TLN2: variants seen among roughly 807,000 people sequenced by gnomAD.
The protein encoded by TLN2 is talin 2.
In TLN2, 118 loss-of-function variants were observed where a neutral mutation model predicts 294.7. The observed-to-expected ratio is 0.40, with a 90% CI of 0.34 to 0.47. The LOEUF (loss-of-function observed/expected upper bound fraction) is 0.47, where lower values mean the gene tolerates loss of function less well. TLN2 is among the 20% of genes least tolerant of loss of function. The pLI is 0.84. For missense variants in TLN2, 3,083 were observed against 3,282.2 expected, an observed-to-expected ratio of 0.94 and a Z score of 1.48; for synonymous variants, 1,431 against 1,304.5, an observed-to-expected ratio of 1.10 and a Z score of -2.09.
At chr15:62,680,934 A>G (rs1395818179) in intron 11 of TLN2, among the ~76,000 whole-genome samples, 2 of 152,136 alleles carry the variant, frequency 1.3e-5, no homozygotes, top group Non-Finnish European at 2.9e-5. Context: ...GCTGAGTAGT[A>G]TTCCATGGTG....
intron 42 of TLN2, among the ~76,000 whole-genome samples, chr15:62,775,860 G>A (rs1013425663): frequency 2.0e-5 from 3 of 152,246 alleles, no homozygotes; most frequent in Non-Finnish European, 2.9e-5. Flanking sequence ...TTTGCAGAGC[G>A]AGGGCATGAT....
intron 1 of TLN2, among the ~76,000 whole-genome samples, chr15:62,398,745 G>A (rs2032767396): frequency 6.6e-6 from 1 of 152,154 alleles, no homozygotes; most frequent in African/African-American, 2.4e-5. Flanking sequence ...TGAGAGAGAT[G>A]ATTTAGGGTA....
chr15:62,695,605 G>A (rs75904352), intron 14 of TLN2, among the ~76,000 whole-genome samples: 14,507 of 152,188 alleles, frequency 0.095, 1,380 homozygotes, highest in African/African-American at 0.25. Context: ...TTGCTTAGCT[G>A]TAGTAGTTTC....
intron 11 of TLN2, among the ~76,000 whole-genome samples, chr15:62,681,613 G>A (rs1377065143): frequency 1.3e-5 from 2 of 152,166 alleles, no homozygotes; most frequent in Non-Finnish European, 2.9e-5. Context: ...TTACACCTGT[G>A]TGAGGAATAG....
At chr15:62,725,504 A>T (rs1011658408) in intron 27 of TLN2, among the ~76,000 whole-genome samples, 1 of 152,234 alleles carries the variant, frequency 6.6e-6, no homozygotes, top group Non-Finnish European at 1.5e-5. Flanking sequence ...CTGCAAATGG[A>T]ATAATGGCAC....
At chr15:62,583,756 G>A (rs2045346561) in intron 1 of TLN2, among the ~76,000 whole-genome samples, 1 of 152,154 alleles carries the variant, frequency 6.6e-6, no homozygotes, top group African/African-American at 2.4e-5. Context: ...ATATGGCTTT[G>A]TACCAAGTAG....
chr15:62,834,295 G>C (rs6494364), intron 55 of TLN2: 148,280 of 152,302 alleles, frequency 0.97, 72,295 homozygotes, highest in Middle Eastern at 1. Context: ...ATGGAAGCAT[G>C]CTATCCACGA....
chr15:62,425,333 G>C (rs377270652), intron 1 of TLN2, among the ~76,000 whole-genome samples: 112 of 150,098 alleles, frequency 7.5e-4, no homozygotes, highest in African/African-American at 2.6e-3. Flanking sequence ...TACTGCCTGC[G>C]GTTGATCTCC....
intron 12 of TLN2, among the ~76,000 whole-genome samples, chr15:62,691,218 C>G (rs988725065): frequency 3.3e-5 from 5 of 152,194 alleles, no homozygotes; most frequent in Non-Finnish European, 5.9e-5. Flanking sequence ...TCCTGTTACT[C>G]TGATGATATT....
intron 19 of TLN2, among the ~76,000 whole-genome samples, chr15:62,704,615 A>G (rs1223661103): frequency 1.3e-5 from 2 of 152,226 alleles, no homozygotes; most frequent in African/African-American, 4.8e-5. Context: ...AAGACATTCA[A>G]TGTACAGACA....
At chr15:62,833,812 G>T in intron 55 of TLN2, 183 bp downstream of exon 55, 1 of 815,900 alleles carries the variant, frequency 1.2e-6, no homozygotes, top group Non-Finnish European at 1.8e-6. Flanking sequence ...AGAATAAGAG[G>T]TTTGGCTTCT....
chr15:62,414,407 T>C (rs1415057484), intron 1 of TLN2, among the ~76,000 whole-genome samples: 1 of 137,888 alleles, frequency 7.3e-6, no homozygotes, highest in Non-Finnish European at 1.5e-5. Context: ...AAGTAGAGGC[T>C]GAGGTGCTGT....
At chr15:62,455,660 A>G (rs748083247) in intron 1 of TLN2, among the ~76,000 whole-genome samples, 12 of 152,190 alleles carry the variant, frequency 7.9e-5, no homozygotes, top group Non-Finnish European at 1.6e-4. Flanking sequence ...CAAATCTCAC[A>G]GTTTGTTCCC....
intron 11 of TLN2, among the ~76,000 whole-genome samples, chr15:62,675,583 A>G (rs1229151292): frequency 2.6e-5 from 4 of 152,198 alleles, no homozygotes; most frequent in African/African-American, 9.6e-5. Context: ...AAAGTCCCTG[A>G]AGGAGTGAGT....
rs538005626 is a variant in TLN2, at chr15:62,844,351, C to A, written c.*3741C>A. On this transcript the variant is annotated 3_prime_UTR_variant, in exon 59 of 59. Transcript: ENST00000636159. ...TAAATGCTACAAACAAGAGCTATTTCTTTTCAATAAAAAAGGTTTGGATTC... is the reference window on the plus strand; with the variant it reads ...TAAATGCTACAAACAAGAGCTATTTATTTTCAATAAAAAAGGTTTGGATTC... The A allele has an allele frequency of 2.6e-5, 4 of 152,184 alleles. No homozygotes were observed. Among genetic ancestry groups the A allele is most frequent in the African/African-American group, 7.2e-5 (3 of 41,522 alleles). The allele number at this position is 152,184 out of a possible 1,614,324, so 9.4% of individuals were successfully genotyped here.
intron 1 of TLN2, among the ~76,000 whole-genome samples, chr15:62,482,602 C>CAAAAAA (rs781297837): frequency 5.3e-5 from 4 of 75,774 alleles, no homozygotes; most frequent in African/African-American, 1.9e-4. Flanking sequence ...AACGTTGTCT[C>CAAAAAA]AAAAAAAAAA....
At chr15:62,601,922 C>T (rs1596309901) in intron 2 of TLN2, among the ~76,000 whole-genome samples, 2 of 152,098 alleles carry the variant, frequency 1.3e-5, no homozygotes, top group Admixed American at 6.5e-5. Context: ...AATTGGCTCC[C>T]GAGTCCTTTA....
In TLN2 at chr15:62,833,646, A is replaced by C; in HGVS notation, c.7128+17A>C. On this transcript the variant is annotated intron_variant, in intron 55 of 58. Transcript: ENST00000636159. ...CAAGGAAAGGTGGGTAAAGCCGCTG[A>C]CCACATGCGGGACACTCAACGTACG... The C allele has an allele frequency of 1.2e-6, 2 of 1,612,744 alleles. No homozygotes were observed. The highest frequency in any genetic ancestry group is 1.7e-6 in the Non-Finnish European group (2 of 1,179,614).
At chr15:62,763,504 G>A (rs2062804591) in intron 39 of TLN2, 59 bp from the exon 40 acceptor site, 1 of 1,546,728 alleles carries the variant, frequency 6.5e-7, no homozygotes, top group Admixed American at 1.8e-5. Flanking sequence ...CAGTGCTGGA[G>A]CAGGCTGTGG....
Sources: gnomAD v4.1 joint callset for allele counts (sites outside exome capture counted in the v4.1 genomes callset) on GRCh38, gnomAD v4.1.1 for gene constraint, MANE v1.5 for transcripts, NCBI Gene and HGNC (gene_info 2026-07-23, HGNC 2026-07-21) for gene names.